Variants in DAB1 observed in about 807,000 individuals in gnomAD.
DAB1 encodes the protein disabled homolog 1.
Under a neutral mutation model 64.6 loss-of-function variants are expected in DAB1, and 15 were observed. That is an observed-to-expected ratio of 0.23 (90% CI 0.16 to 0.36). The LOEUF is 0.36. Ranked by LOEUF, DAB1 falls within the 10% of genes least tolerant of loss-of-function variation. DAB1 has a pLI of 1.00. For synonymous variants in DAB1, 235 were observed against 251.9 expected, an observed-to-expected ratio of 0.93 and a Z score of 0.64; for missense variants, 596 against 706.7, an observed-to-expected ratio of 0.84 and a Z score of 1.78.
At chr1:57,104,999 C>A (rs533959312) in intron 4 of DAB1, among the ~76,000 whole-genome samples, 2 of 152,234 alleles carry the variant, frequency 1.3e-5, no homozygotes, top group East Asian at 1.9e-4. Flanking sequence ...AGGTTAAGTA[C>A]CCTTGCAGTA....
intron 5 of DAB1, chr1:58,056,334 T>A (rs2100540732): frequency 1.3e-6 from 2 of 1,574,042 alleles, no homozygotes; most frequent in Middle Eastern, 1.7e-4. Flanking sequence ...TGTCCCTGAC[T>A]GCTGCGGCCT....
At chr1:57,229,313 G>A (rs76596469) in intron 2 of DAB1, among the ~76,000 whole-genome samples, 2 of 151,052 alleles carry the variant, frequency 1.3e-5, no homozygotes, top group Non-Finnish European at 2.9e-5. Context: ...TCCCATCTCA[G>A]CCGCCAGAGT....
intron 6 of DAB1, among the ~76,000 whole-genome samples, chr1:57,798,113 ATGAGTG>A (rs1252619509): frequency 2.6e-5 from 4 of 152,184 alleles, no homozygotes; most frequent in Non-Finnish European, 4.4e-5. Context: ...TCACTCAGCA[ATGAGTG>A]ACAGATTCAA....
At chr1:57,757,220 T>TTGTG (rs200688727) in intron 6 of DAB1, among the ~76,000 whole-genome samples, 1 of 120,152 alleles carries the variant, frequency 8.3e-6, no homozygotes, top group Non-Finnish European at 1.8e-5. Context: ...TTTTTTTTTT[T>TTGTG]AGCAGCAATG....
intron 2 of DAB1, among the ~76,000 whole-genome samples, chr1:57,172,661 G>A (rs764011165): frequency 6.6e-6 from 1 of 152,102 alleles, no homozygotes; most frequent in Non-Finnish European, 1.5e-5. Flanking sequence ...TGATGAGAAA[G>A]AAAGGAAGCG....
At chr1:58,125,655 A>G (rs1570385875) in intron 5 of DAB1, among the ~76,000 whole-genome samples, 1 of 152,254 alleles carries the variant, frequency 6.6e-6, no homozygotes, top group South Asian at 2.1e-4. Context: ...TGTATTGCCC[A>G]GGCTGGTCTT....
intron 5 of DAB1, among the ~76,000 whole-genome samples, chr1:58,103,268 C>A (rs983237567): frequency 6.6e-6 from 1 of 152,122 alleles, no homozygotes; most frequent in African/African-American, 2.4e-5. Flanking sequence ...ACTGAAAACA[C>A]AATTTGCAAG....
intron 6 of DAB1, among the ~76,000 whole-genome samples, chr1:57,703,516 AT>A (rs1427997916): frequency 6.6e-6 from 1 of 152,174 alleles, no homozygotes; most frequent in Non-Finnish European, 1.5e-5. Context: ...AATGGCTATT[AT>A]TAAAAAATAA....
chr1:58,024,680 T>A (rs998340201), intron 5 of DAB1, among the ~76,000 whole-genome samples: 1 of 152,198 alleles, frequency 6.6e-6, no homozygotes, highest in Non-Finnish European at 1.5e-5. Context: ...AAACATTTGG[T>A]CAAACATTAT....
At chr1:57,406,600 C>T (rs1386558549) in intron 1 of DAB1, among the ~76,000 whole-genome samples, 3 of 152,248 alleles carry the variant, frequency 2.0e-5, no homozygotes, top group Non-Finnish European at 4.4e-5. Context: ...TTATCCTCCT[C>T]ATCACCATCA....
chr1:57,717,958 G>A (rs924414228), intron 6 of DAB1, among the ~76,000 whole-genome samples: 2 of 151,914 alleles, frequency 1.3e-5, no homozygotes, highest in African/African-American at 2.4e-5. Flanking sequence ...TAGTGGGGAG[G>A]GTGTAGTGGA....
intron 6 of DAB1, among the ~76,000 whole-genome samples, chr1:57,701,453 G>A (rs1326627224): frequency 6.6e-6 from 1 of 151,882 alleles, no homozygotes; most frequent in Non-Finnish European, 1.5e-5. Flanking sequence ...CTATCGCAAG[G>A]ACAAAAAACC....
At chr1:58,043,669 G>A (rs761748417) in intron 5 of DAB1, among the ~76,000 whole-genome samples, 3 of 152,170 alleles carry the variant, frequency 2.0e-5, no homozygotes, top group Non-Finnish European at 2.9e-5. Context: ...TATAAAATGA[G>A]ATCACTATTG....
At chr1:58,270,693 T>C (rs1661295081) in intron 4 of DAB1, among the ~76,000 whole-genome samples, 1 of 16,068 alleles carries the variant, frequency 6.2e-5, no homozygotes, top group Non-Finnish European at 1.4e-4. Flanking sequence ...TCCTCTTTTA[T>C]TTCCTTGAGC....
chr1:57,570,550 A>G (rs899045141), intron 7 of DAB1, among the ~76,000 whole-genome samples: 1 of 152,052 alleles, frequency 6.6e-6, no homozygotes. Flanking sequence ...TTTTTATACC[A>G]GTACCATGCT....
intron 1 of DAB1, among the ~76,000 whole-genome samples, chr1:57,423,646 C>T (rs758885430): frequency 3.3e-5 from 5 of 151,798 alleles, no homozygotes; most frequent in Non-Finnish European, 7.4e-5. Context: ...GAGACAGGAT[C>T]GCGCGTGGTC....
intron 4 of DAB1, among the ~76,000 whole-genome samples, chr1:57,096,854 C>T (rs932838631): frequency 3.9e-5 from 6 of 152,074 alleles, no homozygotes; most frequent in Non-Finnish European, 7.4e-5. Context: ...TAATACAATG[C>T]CTATTCATCC....
rs548576045 is a variant in DAB1, at chr1:57,840,282, G to A, written n.88-13827C>T. Among the ~76,000 whole-genome samples the A allele has an allele frequency of 3.8e-3, 573 of 152,234 alleles. 1 individual carries two copies. The highest frequency in any genetic ancestry group is 5.6e-3 in the Non-Finnish European group (384 of 68,024). The stretch of plus-strand genomic sequence containing the variant: ...TCAGTGTAAGGCTTCCTAGCAGAAG[G>A]AATATCTGAGCTAAAGCTAAAAGGA... On this transcript the variant is annotated intron_variant and non_coding_transcript_variant, in intron 1 of 1. Coordinates refer to the DAB1 transcript ENST00000477280.
intron 4 of DAB1, among the ~76,000 whole-genome samples, chr1:58,162,727 T>C (rs757453263): frequency 5.3e-5 from 8 of 152,182 alleles, no homozygotes; most frequent in Non-Finnish European, 7.3e-5. Flanking sequence ...GTGGTATACA[T>C]TGTATGTATA....
Sources: allele counts gnomAD v4.1 joint callset (sites outside exome capture counted in the v4.1 genomes callset), GRCh38; gene constraint gnomAD v4.1.1; transcripts MANE v1.5; gene names NCBI Gene and HGNC (gene_info 2026-07-23, HGNC 2026-07-21).